Variants in WDR47 observed in about 807,000 individuals in gnomAD.
WDR47 encodes the protein WD repeat domain 47, also known as WD repeat-containing protein 47.
Under a neutral mutation model 97.2 loss-of-function variants are expected in WDR47, and 32 were observed. The ratio of observed to expected loss-of-function variants is 0.33; its 90% CI spans 0.25 to 0.44. The LOEUF (loss-of-function observed/expected upper bound fraction) is 0.44. Among genes scored for constraint, WDR47 ranks in the 20% least tolerant of loss-of-function variants. WDR47 has a pLI of 1.00. For synonymous variants in WDR47, 375 were observed against 373.5 expected, an observed-to-expected ratio of 1.00 and a Z score of -0.05; for missense variants, 782 against 1,102.3, an observed-to-expected ratio of 0.71 and a Z score of 4.11.
chr1:109,028,856 C>T (rs1282052730), intron 1 of WDR47, among the ~76,000 whole-genome samples: 2 of 151,992 alleles, frequency 1.3e-5, no homozygotes, highest in Non-Finnish European at 2.9e-5. Flanking sequence ...TTTATGTGTA[C>T]AGTTCAACGG....
chr1:108,996,228 A>G (rs1248917331), intron 7 of WDR47, among the ~76,000 whole-genome samples: 2 of 151,986 alleles, frequency 1.3e-5, no homozygotes, highest in Admixed American at 1.3e-4. Flanking sequence ...CTAACTTTTT[A>G]AATTTTTTGT....
intron 1 of WDR47, among the ~76,000 whole-genome samples, chr1:109,026,632 G>A (rs1246598310): frequency 2.0e-5 from 3 of 152,050 alleles, no homozygotes; most frequent in Admixed American, 6.6e-5. Context: ...GGTTCTTAGA[G>A]GGCACATCAC....
At position 108,974,757 on chromosome 1, in the gene WDR47, G is replaced by A. The variant is rs772370111; in HGVS notation, c.2399-3C>T. 3 of 1,601,990 alleles carry A rather than the reference G, an allele frequency of 1.9e-6. No homozygotes were observed. Among genetic ancestry groups the A allele is most frequent in the South Asian group, 1.1e-5 (1 of 89,604 alleles). On this transcript the variant is annotated splice_region_variant and splice_polypyrimidine_tract_variant and intron_variant, in intron 13 of 14. Transcript: ENST00000369962. ...AGCTACAGATGCCACTGCACTGCCTGTAGTGGTAGGAATGAAAGTTTAAAT... is the reference window on the plus strand; with the variant it reads ...AGCTACAGATGCCACTGCACTGCCTATAGTGGTAGGAATGAAAGTTTAAAT...
At chr1:108,992,530 G>A in intron 8 of WDR47, 1 of 1,506,476 alleles carries the variant, frequency 6.6e-7, no homozygotes, top group Non-Finnish European at 9.2e-7. Flanking sequence ...AAGGTCGGTG[G>A]CCCAAAAAGA....
intron 8 of WDR47, chr1:108,992,344 T>C: frequency 1.2e-6 from 1 of 803,806 alleles, no homozygotes; most frequent in Non-Finnish European, 2.3e-6. Flanking sequence ...GAGGTTCCAA[T>C]CTTCGTGTTC....
chr1:109,012,474 G>A (rs949046171), intron 4 of WDR47, among the ~76,000 whole-genome samples: 2 of 150,120 alleles, frequency 1.3e-5, no homozygotes, highest in African/African-American at 4.9e-5. Context: ...TTGAGAGGCT[G>A]AGGCAGGAGA....
intron 13 of WDR47, among the ~76,000 whole-genome samples, chr1:108,978,614 C>T (rs1658112566): frequency 6.6e-6 from 1 of 151,948 alleles, no homozygotes; most frequent in South Asian, 2.1e-4. Flanking sequence ...ATGTAATCAT[C>T]TAAAGAAAGA....
At chr1:108,987,963 C>T (rs140567611) in intron 9 of WDR47, among the ~76,000 whole-genome samples, 153 of 151,712 alleles carry the variant, frequency 1.0e-3, no homozygotes, top group African/African-American at 2.8e-3. Flanking sequence ...GGGCCAGGCA[C>T]GGTGGCTCAT....
At chr1:109,005,015 C>G (rs1016812586) in intron 5 of WDR47, among the ~76,000 whole-genome samples, 1 of 151,760 alleles carries the variant, frequency 6.6e-6, no homozygotes, top group South Asian at 2.1e-4. Flanking sequence ...TGGTCTCAAA[C>G]TCCTGACCTC....
At position 109,023,508 on chromosome 1, in the gene WDR47, G is replaced by A. The variant is rs909941909; in HGVS notation, c.5C>T (p.Thr2Met). The change falls in exon 2 of 15, where the codon ACG (threonine) becomes ATG (methionine). Residue 2 changes from threonine to methionine, a missense_variant. By Grantham distance (81) the Thr-to-Met change is moderately conservative. This residue lies in a region of WDR47 where 428 missense variants were observed against 584.3 expected (regional missense o/e 0.73). Coordinates refer to ENST00000369962, the MANE Select transcript of WDR47 (RefSeq NM_001142551.2). ...TTTTACATTCACTGTTTCTTCAGCC[G>A]TCATATTGATAGCCTAAATATGAAA... M[T>M]AEETVNVKEV... is the part of the protein sequence containing the mutation. 2.0e-5 allele frequency: 33 copies of A among 1,611,210 alleles called. No homozygotes were observed. In the East Asian group the frequency reaches 2.2e-4, roughly 11 times the overall value.
At position 108,981,851 on chromosome 1, in the gene WDR47, T is replaced by G. The variant is rs1228080268; in HGVS notation, c.2280A>C (p.Ala760=). 1 of 1,612,428 alleles carries G rather than the reference T, an allele frequency of 6.2e-7. No individual in the cohort carries two copies. The highest frequency in any genetic ancestry group is 8.5e-7 in the Non-Finnish European group (1 of 1,179,382). The part of the protein sequence containing the change: ...ALSGHTGHIL[A]LYTWSGWMIA... ...TCATCCAGCCACTCCAGGTATAAAGTGCTAAAATATGCCCTATAAAAGATC... is the reference window on the plus strand; with the variant it reads ...TCATCCAGCCACTCCAGGTATAAAGGGCTAAAATATGCCCTATAAAAGATC... Residue 760 remains alanine (A), a synonymous_variant, in exon 13 of 15, where the codon GCA becomes GCC. Transcript: ENST00000369962.
intron 1 of WDR47, among the ~76,000 whole-genome samples, chr1:109,023,791 G>C (rs962715996): frequency 2.0e-5 from 3 of 149,924 alleles, no homozygotes; most frequent in Admixed American, 2.0e-4. Context: ...GAAAATAATA[G>C]AAGAGAAGAG....
intron 9 of WDR47, among the ~76,000 whole-genome samples, chr1:108,989,474 A>G (rs1454233703): frequency 6.6e-6 from 1 of 152,188 alleles, no homozygotes; most frequent in African/African-American, 2.4e-5. Flanking sequence ...TTGAATTCTG[A>G]TATTATTTGT....
At chr1:109,007,003 T>C (rs1660676230) in intron 5 of WDR47, among the ~76,000 whole-genome samples, 1 of 151,912 alleles carries the variant, frequency 6.6e-6, no homozygotes. Context: ...AGTGGTGCAA[T>C]CAAGGCTCAC....
At chr1:108,979,927 G>A (rs1453073508) in intron 13 of WDR47, among the ~76,000 whole-genome samples, 2 of 152,200 alleles carry the variant, frequency 1.3e-5, no homozygotes, top group African/African-American at 4.8e-5. Flanking sequence ...CACAGCACGA[G>A]GTGAGTGACA....
chr1:108,986,702 G>GA, intron 9 of WDR47, 22 bp from the exon 10 acceptor site: 1 of 543,626 alleles, frequency 1.8e-6, no homozygotes, highest in Non-Finnish European at 2.7e-6. Flanking sequence ...ATGAATATTA[G>GA]TTATCCTATT....
intron 7 of WDR47, among the ~76,000 whole-genome samples, chr1:109,001,626 A>T (rs1346212233): frequency 6.6e-6 from 1 of 152,190 alleles, no homozygotes; most frequent in African/African-American, 2.4e-5. Context: ...ACAGTGGCTC[A>T]TGCCTGTAAT....
chr1:108,987,724 T>C (rs1229433309), intron 9 of WDR47, among the ~76,000 whole-genome samples: 1 of 151,990 alleles, frequency 6.6e-6, no homozygotes, highest in Non-Finnish European at 1.5e-5. Context: ...TGCCTCAGTC[T>C]CCCAAAGTGC....
chr1:109,011,134 T>C lies in WDR47; in HGVS notation c.912A>G (p.Ser304=), dbSNP rs1480451669. 3.1e-6 allele frequency: 5 copies of C among 1,614,160 alleles called. No individual in the cohort carries two copies. In the Admixed American group the frequency reaches 6.7e-5, roughly 22 times the overall value. Residue 304 remains serine (S), a synonymous_variant, in exon 5 of 15, where the codon TCA becomes TCG. Coordinates refer to ENST00000369962, the MANE Select transcript of WDR47 (RefSeq NM_001142551.2). ...GAGAGCGGGTCATATAGGCATCAGC[T>C]GATTGAGGTCTTCTCATTGGGGATG... ...YPSSPMRRPQ[S]ADAYMTRSLN... is the part of the protein sequence containing the mutation.
Sources: gnomAD v4.1 joint callset for allele counts (sites outside exome capture counted in the v4.1 genomes callset) on GRCh38, gnomAD v4.1.1 for gene constraint, gnomAD v4.1.1 regional missense constraint, MANE v1.5 for transcripts, NCBI Gene and HGNC (gene_info 2026-07-23, HGNC 2026-07-21) for gene names.